The following ADAMTS18 variants were observed in gnomAD, a reference collection of about 807,000 sequenced individuals.
ADAMTS18 encodes ADAM metallopeptidase with thrombospondin type 1 motif 18, also known as A disintegrin and metalloproteinase with thrombospondin motifs 18.
Under a neutral mutation model 165.9 loss-of-function variants are expected in ADAMTS18, and 157 were observed. The ratio of observed to expected loss-of-function variants is 0.95; its 90% confidence interval spans 0.83 to 1.08. The LOEUF is 1.08. Among genes scored for constraint, ADAMTS18 ranks in the 50% least tolerant of loss-of-function variants. The pLI is 0.00. For synonymous variants in ADAMTS18, 782 were observed against 578.2 expected, an observed-to-expected ratio of 1.35 and a Z score of -5.06; for missense variants, 2,040 against 1,534.0, an observed-to-expected ratio of 1.33 and a Z score of -5.51.
intron 18 of ADAMTS18, among the ~76,000 whole-genome samples, chr16:77,295,590 G>A (rs528760993): frequency 6.6e-6 from 1 of 152,296 alleles, no homozygotes; most frequent in African/African-American, 2.4e-5. Flanking sequence ...AAAATACAAT[G>A]AGGAGGCTCA....
At chr16:77,307,361 T>C (rs949240389) in intron 16 of ADAMTS18, among the ~76,000 whole-genome samples, 3 of 152,204 alleles carry the variant, frequency 2.0e-5, no homozygotes, top group African/African-American at 7.2e-5. Context: ...CCAGGTATCA[T>C]CATTGCTATT....
At chr16:77,334,727 A>ATATACTATAGTATATATAATG in intron 12 of ADAMTS18, among the ~76,000 whole-genome samples, 2 of 73,422 alleles carry the variant, frequency 2.7e-5, no homozygotes, top group African/African-American at 1.2e-4. Context: ...GTATACTACT[A>ATATACTATAGTATATATAATG]TATACTATAG....
intron 7 of ADAMTS18, among the ~76,000 whole-genome samples, chr16:77,360,652 CT>C (rs1340105010): frequency 6.6e-6 from 1 of 152,196 alleles, no homozygotes; most frequent in African/African-American, 2.4e-5. Flanking sequence ...TATATACCAT[CT>C]TTCATTACAA....
At chr16:77,386,626 C>T (rs2057111781) in intron 3 of ADAMTS18, among the ~76,000 whole-genome samples, 1 of 152,174 alleles carries the variant, frequency 6.6e-6, no homozygotes, top group Non-Finnish European at 1.5e-5. Context: ...TGCCTATGAA[C>T]ATTTGACTTT....
chr16:77,338,343 C>T (rs2056343532), intron 11 of ADAMTS18, among the ~76,000 whole-genome samples: 1 of 152,106 alleles, frequency 6.6e-6, no homozygotes, highest in South Asian at 2.1e-4. Context: ...TTAAGTAATT[C>T]TTGGGCCTCA....
At position 77,284,058 on chromosome 16, in the gene ADAMTS18, G is replaced by A. The variant is rs773750920; in HGVS notation, c.3564C>T (p.Cys1188=). ...GGTGACACCAGTTGAAGAAATCTAC[G>A]CAGGATGGATCCTCTAAAATAAGAA... ...PAPEKREDPS[C]VDFFNWCHLV... Residue 1188 remains cysteine, a synonymous_variant, in exon 23 of 23, where the codon TGC becomes TGT. Coordinates refer to ENST00000282849, the MANE Select transcript of ADAMTS18 (RefSeq NM_199355.4). The A allele has an allele frequency of 4.4e-5, 71 of 1,610,970 alleles. No homozygotes were observed. Among genetic ancestry groups the A allele is most frequent in the Middle Eastern group, 1.7e-4 (1 of 6,056 alleles).
chr16:77,356,880 A>C (rs2056638770), intron 8 of ADAMTS18, among the ~76,000 whole-genome samples: 1 of 152,142 alleles, frequency 6.6e-6, no homozygotes, highest in Non-Finnish European at 1.5e-5. Flanking sequence ...TACATACCAT[A>C]AAGACAAAGC....
At position 77,283,690 on chromosome 16, in the gene ADAMTS18, C is replaced by A. The variant is rs1400897624; in HGVS notation, c.*266G>T. ...TCTCAGTGTGATTCACCACTTCTTG[C>A]ATATAACAGTGCAAATCAAAGATTT... is the stretch of plus-strand genomic sequence containing the variant. On this transcript the variant is annotated 3_prime_UTR_variant, in exon 23 of 23. Transcript: ENST00000282849. 6 of 442,450 alleles carry A rather than the reference C, an allele frequency of 1.4e-5. No homozygotes were observed. Among genetic ancestry groups the A allele is most frequent in the East Asian group, 9.2e-5 (2 of 21,850 alleles). 27.4% of individuals were successfully genotyped at this position (442,450 alleles called of 1,614,324 possible).
At chr16:77,364,480 A>G (rs2056763772) in intron 4 of ADAMTS18, 99 bp from the exon 5 acceptor site, 2 of 1,338,090 alleles carry the variant, frequency 1.5e-6, no homozygotes, top group South Asian at 2.6e-5. Context: ...GAAACTATGT[A>G]ACCAACACAC....
intron 3 of ADAMTS18, 152 bp from the exon 4 acceptor site, chr16:77,367,875 C>T (rs1157045906): frequency 1.1e-6 from 1 of 881,814 alleles, no homozygotes; most frequent in Admixed American, 2.0e-5. Flanking sequence ...TGCACCATTA[C>T]AACGAGTTGC....
chr16:77,390,604 T>A (rs1597214182), intron 3 of ADAMTS18, among the ~76,000 whole-genome samples: 1 of 151,622 alleles, frequency 6.6e-6, no homozygotes, highest in East Asian at 2.0e-4. Context: ...GCAGGAGAAT[T>A]GCCTGAACCC....
Position 77,283,702 on chromosome 16 carries a change from C to G in ADAMTS18, c.*254G>C. 1 of 476,306 alleles carries G rather than the reference C, an allele frequency of 2.1e-6. No individual in the cohort carries two copies. Among genetic ancestry groups the G allele is most frequent in the Non-Finnish European group, 3.8e-6 (1 of 260,464 alleles). The allele number at this position is 476,306 out of a possible 1,614,324, so 29.5% of individuals were successfully genotyped here. On this transcript the variant is annotated 3_prime_UTR_variant, in exon 23 of 23. Coordinates refer to ENST00000282849, the MANE Select transcript of ADAMTS18 (RefSeq NM_199355.4). ...TCACCACTTCTTGCATATAACAGTG[C>G]AAATCAAAGATTTTTTTTAAAGTCA... is the stretch of plus-strand genomic sequence containing the variant.
intron 16 of ADAMTS18, among the ~76,000 whole-genome samples, chr16:77,311,374 CA>C (rs2055777045): frequency 6.6e-6 from 1 of 151,996 alleles, no homozygotes; most frequent in Non-Finnish European, 1.5e-5. Flanking sequence ...TGTTTGGCTC[CA>C]AAAGTATTCA....
rs1262351313 is a variant in ADAMTS18, at chr16:77,367,493, C to G, written c.726G>C (p.Glu242Asp). 1 of 1,614,094 alleles carries G rather than the reference C, an allele frequency of 6.2e-7. No homozygotes were observed. Among genetic ancestry groups the G allele is most frequent in the Admixed American group, 1.7e-5 (1 of 60,008 alleles). The change falls in exon 4 of 23, where the codon GAG (glutamate) becomes GAC (aspartate). Residue 242 changes from glutamate to aspartate, a missense_variant. Transcript: ENST00000282849. ...IPHASQSRET[E>D]YHHRRLQKQH... ...GCTTTTGCAACCTTCGATGGTGATA[C>G]TCTGTCTCTCGACTCTGAGATGCAT...
chr16:77,335,990 A>G (rs1408020617), intron 11 of ADAMTS18, 86 bp from the exon 12 acceptor site: 2 of 1,526,058 alleles, frequency 1.3e-6, no homozygotes, highest in East Asian at 2.3e-5. Flanking sequence ...AGTAACAGGA[A>G]AAACAGGTCT....
intron 8 of ADAMTS18, among the ~76,000 whole-genome samples, chr16:77,356,889 G>A (rs1241387593): frequency 6.6e-6 from 1 of 151,676 alleles, no homozygotes; most frequent in Non-Finnish European, 1.5e-5. Flanking sequence ...TAAAGACAAA[G>A]CTTACTTCAG....
chr16:77,389,684 G>C (rs1430669600), intron 3 of ADAMTS18, among the ~76,000 whole-genome samples: 1 of 152,214 alleles, frequency 6.6e-6, no homozygotes, highest in Non-Finnish European at 1.5e-5. Context: ...TCTCTTAGAA[G>C]AGGTGAATCT....
At chr16:77,334,030 C>T (rs62636086) in intron 12 of ADAMTS18, among the ~76,000 whole-genome samples, 25,576 of 119,492 alleles carry the variant, frequency 0.21, 3,832 homozygotes, top group East Asian at 0.61. Context: ...ATATACAGTG[C>T]AATATATGCT....
rs1456389130 is a variant in ADAMTS18 at position 77,341,801 on chromosome 16, T to C, written c.1615-2A>G. 2.5e-6 allele frequency: 4 copies of C among 1,605,098 alleles called. No individual in the cohort carries two copies. The highest frequency in any genetic ancestry group is 2.7e-5 in the African/African-American group (2 of 73,318). On this transcript the variant is annotated splice_acceptor_variant, in intron 10 of 22. Transcript: ENST00000282849. LOFTEE classifies it high-confidence loss of function. Reference sequence around the variant, plus strand: ...GCACCAAAGTGATTTGCAAATATCCTGAAATAAAAAAAAAGGGGGGTGCTG... The same window carrying C: ...GCACCAAAGTGATTTGCAAATATCCCGAAATAAAAAAAAAGGGGGGTGCTG...
Sources: gnomAD v4.1 joint callset for allele counts (sites outside exome capture counted in the v4.1 genomes callset) on GRCh38, gnomAD v4.1.1 for gene constraint, MANE v1.5 for transcripts, NCBI Gene and HGNC (gene_info 2026-07-23, HGNC 2026-07-21) for gene names.